Variants in CAAP1 observed in about 807,000 individuals in gnomAD.
The protein encoded by CAAP1 is caspase activity and apoptosis inhibitor 1, also known as conserved anti-apoptotic protein.
A neutral mutation model predicts 34.0 loss-of-function variants in CAAP1; 20 were observed. That is an observed-to-expected ratio of 0.59 (90% CI 0.41 to 0.86). The LOEUF (loss-of-function observed/expected upper bound fraction) is 0.86. CAAP1 is among the 40% of genes least tolerant of loss of function. The pLI, the probability that CAAP1 is intolerant of heterozygous loss-of-function variation, is 0.00. For missense variants in CAAP1, 538 were observed against 450.5 expected (o/e 1.19, Z -1.76); for synonymous variants, 213 against 166.7 (o/e 1.28, Z -2.14).
At chr9:26,874,782 G>A (rs188521827) in intron 4 of CAAP1, among the ~76,000 whole-genome samples, 182 of 152,102 alleles carry the variant, frequency 1.2e-3, no homozygotes, top group Non-Finnish European at 4.1e-4. Context: ...CTTAAGGTAT[G>A]GTAAGAGTAG....
rs1234155873 is a variant in CAAP1, at chr9:26,840,895, A to G, written c.*1406T>C. 1.3e-5 allele frequency: 2 copies of G among 152,190 alleles called. No individual in the cohort carries two copies. Among genetic ancestry groups the G allele is most frequent in the African/African-American group, 4.8e-5 (2 of 41,454 alleles). 9.4% of individuals were successfully genotyped at this position (152,190 alleles called of 1,614,324 possible). On this transcript the variant is annotated 3_prime_UTR_variant, in exon 6 of 6. Transcript: ENST00000333916. ...TTTCATCTTGAAGCAATAACAATGA[A>G]CTCATAACTCAAATCTGTTTACCAG... is the stretch of plus-strand genomic sequence containing the variant.
intron 4 of CAAP1, among the ~76,000 whole-genome samples, chr9:26,873,989 C>T (rs914235022): frequency 1.3e-5 from 2 of 151,874 alleles, no homozygotes; most frequent in Non-Finnish European, 2.9e-5. Flanking sequence ...GGGCAGATCA[C>T]GAGGTCAGGA....
intron 4 of CAAP1, among the ~76,000 whole-genome samples, chr9:26,864,061 G>A (rs1306656015): frequency 6.6e-6 from 1 of 151,972 alleles, no homozygotes; most frequent in African/African-American, 2.4e-5. Flanking sequence ...ACCTCACCCA[G>A]CTCTGTTTTT....
chr9:26,884,173 T>C (rs965826206), intron 4 of CAAP1, among the ~76,000 whole-genome samples: 24 of 152,316 alleles, frequency 1.6e-4, no homozygotes, highest in Non-Finnish European at 3.1e-4. Context: ...ACTACCAAAA[T>C]AGTTAATTGT....
chr9:26,844,523 TG>T (rs1489516259), intron 5 of CAAP1, among the ~76,000 whole-genome samples: 2 of 152,202 alleles, frequency 1.3e-5, no homozygotes, highest in East Asian at 3.8e-4. Flanking sequence ...AAATGTGACT[TG>T]TTTTTCAGAC....
intron 4 of CAAP1, among the ~76,000 whole-genome samples, chr9:26,873,572 T>C (rs981164963): frequency 2.0e-5 from 3 of 152,182 alleles, no homozygotes; most frequent in Non-Finnish European, 4.4e-5. Flanking sequence ...CTTTGGAACA[T>C]AATCATCTAA....
At chr9:26,869,458 A>G (rs901996366) in intron 4 of CAAP1, among the ~76,000 whole-genome samples, 9 of 152,096 alleles carry the variant, frequency 5.9e-5, no homozygotes, top group Non-Finnish European at 1.2e-4. Context: ...ACTCACATAA[A>G]CCATTGTTGA....
At chr9:26,878,708 T>C (rs548354162) in intron 4 of CAAP1, among the ~76,000 whole-genome samples, 1 of 152,060 alleles carries the variant, frequency 6.6e-6, no homozygotes, top group South Asian at 2.1e-4. Context: ...CCCAGCAGTT[T>C]GGGAAGCCAA....
At chr9:26,865,201 A>AT (rs1474916886) in intron 4 of CAAP1, among the ~76,000 whole-genome samples, 2 of 152,168 alleles carry the variant, frequency 1.3e-5, no homozygotes, top group Non-Finnish European at 2.9e-5. Flanking sequence ...ATACCAATGA[A>AT]TTTTTTAAGC....
chr9:26,842,151 G>A lies in CAAP1; in HGVS notation c.*150C>T. 3 of 584,518 alleles carry A rather than the reference G, an allele frequency of 5.1e-6. No individual in the cohort carries two copies. The highest frequency in any genetic ancestry group is 2.8e-5 in the South Asian group (1 of 35,500). The allele number at this position is 584,518 out of a possible 1,614,324, so 36.2% of individuals were successfully genotyped here. A position where few individuals can be genotyped will look rare whatever the true frequency, so the allele number is the denominator to read the frequency against. On this transcript the variant is annotated 3_prime_UTR_variant, in exon 6 of 6. Transcript: ENST00000333916. ...ATAAAAGTAGTCAAAAAAATAAAAA[G>A]AAACAGCCACAGGTAATTTAGGGCT...
At chr9:26,845,665 C>T (rs371719697) in intron 5 of CAAP1, among the ~76,000 whole-genome samples, 3 of 152,128 alleles carry the variant, frequency 2.0e-5, no homozygotes, top group Non-Finnish European at 4.4e-5. Flanking sequence ...TGAGCCACCA[C>T]GCCTGGCCGA....
chr9:26,888,294 T>C (rs913663992), intron 1 of CAAP1, among the ~76,000 whole-genome samples: 3 of 152,252 alleles, frequency 2.0e-5, no homozygotes, highest in Non-Finnish European at 4.4e-5. Flanking sequence ...ATGCTCATTC[T>C]TTGTGTTTAG....
chr9:26,874,877 A>G (rs959988899), intron 4 of CAAP1, among the ~76,000 whole-genome samples: 1 of 152,214 alleles, frequency 6.6e-6, no homozygotes, highest in Non-Finnish European at 1.5e-5. Flanking sequence ...GAGAAATAGA[A>G]TTTGAATATA....
rs552697077 is a variant in CAAP1 at position 26,841,429 on chromosome 9, G to T, written c.*872C>A. 15 of 152,506 alleles carry T rather than the reference G, an allele frequency of 9.8e-5. No individual in the cohort carries two copies. Among genetic ancestry groups the T allele is most frequent in the African/African-American group, 3.6e-4 (15 of 41,518 alleles). 9.4% of individuals were successfully genotyped at this position (152,506 alleles called of 1,614,324 possible). On this transcript the variant is annotated 3_prime_UTR_variant, in exon 6 of 6. Transcript: ENST00000333916. ...TAATTATAACAACAACTTATCAAAG[G>T]TTCCTGAAATTAATTTTGCTTTTGA...
chr9:26,871,874 A>G (rs1823284581), intron 4 of CAAP1, among the ~76,000 whole-genome samples: 1 of 152,098 alleles, frequency 6.6e-6, no homozygotes, highest in Admixed American at 6.6e-5. Flanking sequence ...AGATCATGCC[A>G]CTGCACTCCA....
intron 4 of CAAP1, among the ~76,000 whole-genome samples, chr9:26,862,629 C>CT (rs1823028732): frequency 6.6e-6 from 1 of 151,978 alleles, no homozygotes. Flanking sequence ...AATACAAAGG[C>CT]TGTGGATCTA....
At chr9:26,852,379 C>T (rs760758755) in intron 5 of CAAP1, among the ~76,000 whole-genome samples, 5 of 151,306 alleles carry the variant, frequency 3.3e-5, no homozygotes, top group East Asian at 2.0e-4. Flanking sequence ...TGCTTGAACC[C>T]GGGAGGCGGA....
chr9:26,865,349 C>T (rs1161273900), intron 4 of CAAP1, among the ~76,000 whole-genome samples: 1 of 152,020 alleles, frequency 6.6e-6, no homozygotes, highest in Non-Finnish European at 1.5e-5. Context: ...CATGGAGAAA[C>T]CCCATCTCTA....
Position 26,842,306 on chromosome 9 carries a change from C to A in CAAP1, c.1081G>T (p.Ala361Ser), listed in dbSNP as rs1323220177. Residue 361 changes from alanine (A) to serine (S), a missense_variant, in exon 6 of 6, where the codon GCC (alanine) becomes TCC (serine). Ala to Ser is a moderately conservative substitution (Grantham distance 99). This residue lies in a region of CAAP1 where 18 missense variants were observed against 22.3 expected (regional missense o/e 0.81). Coordinates refer to ENST00000333916, the MANE Select transcript of CAAP1 (RefSeq NM_024828.4). ...LMKAGDIKKPA is the reference protein window; with the variant it reads ...LMKAGDIKKPS ...TTCAAAATCAAGTTAAATACCTAGG[C>A]TGGCTTTTTTATATCACCAGCTTTC... 3.2e-6 allele frequency: 5 copies of A among 1,561,184 alleles called. No homozygotes were observed. The highest frequency in any genetic ancestry group is 4.3e-6 in the Non-Finnish European group (5 of 1,156,458).
Sources: allele counts gnomAD v4.1 joint callset (sites outside exome capture counted in the v4.1 genomes callset), GRCh38; gene constraint gnomAD v4.1.1; regional missense constraint gnomAD v4.1.1; transcripts MANE v1.5; gene names NCBI Gene and HGNC (gene_info 2026-07-23, HGNC 2026-07-21).